GRID2: variants seen among roughly 807,000 people sequenced by gnomAD.
GRID2 encodes glutamate ionotropic receptor delta type subunit 2.
Under a neutral mutation model 114.8 loss-of-function variants are expected in GRID2, and 33 were observed. The observed-to-expected ratio is 0.29, with a 90% CI of 0.22 to 0.38. The LOEUF (loss-of-function observed/expected upper bound fraction) is 0.38, where lower values mean the gene tolerates loss of function less well. Ranked by LOEUF, GRID2 falls within the 10% of genes least tolerant of loss-of-function variation. The pLI, the probability that GRID2 is intolerant of heterozygous loss-of-function variation, is 1.00. For missense variants in GRID2, 1,184 were observed against 1,257.7 expected (o/e 0.94, Z 0.89); for synonymous variants, 505 against 449.9 (o/e 1.12, Z -1.55).
At chr4:93,734,521 C>T (rs1246176746) in intron 14 of GRID2, among the ~76,000 whole-genome samples, 1 of 151,856 alleles carries the variant, frequency 6.6e-6, no homozygotes, top group Admixed American at 6.6e-5. Context: ...CCATCTTTCC[C>T]AACATAAAAT....
intron 8 of GRID2, among the ~76,000 whole-genome samples, chr4:93,323,294 T>C (rs985919809): frequency 1.3e-5 from 2 of 152,236 alleles, no homozygotes; most frequent in African/African-American, 4.8e-5. Context: ...CACCATTTAT[T>C]AAATAGGGAA....
intron 14 of GRID2, among the ~76,000 whole-genome samples, chr4:93,700,324 A>C (rs1444699535): frequency 6.6e-6 from 1 of 152,118 alleles, no homozygotes; most frequent in Non-Finnish European, 1.5e-5. Context: ...ACCCTGTATG[A>C]ATTTTTAAAT....
At chr4:93,584,084 A>G (rs1737282378) in intron 13 of GRID2, among the ~76,000 whole-genome samples, 1 of 152,186 alleles carries the variant, frequency 6.6e-6, no homozygotes, top group Non-Finnish European at 1.5e-5. Flanking sequence ...TGAAATAAAA[A>G]CAGTTTCATA....
intron 8 of GRID2, among the ~76,000 whole-genome samples, chr4:93,380,151 ATC>A (rs1480295089): frequency 1.3e-5 from 2 of 152,110 alleles, no homozygotes; most frequent in Non-Finnish European, 2.9e-5. Flanking sequence ...GTTATGGAAT[ATC>A]TGAGTGGGCT....
At chr4:92,710,531 C>G (rs1397510523) in intron 2 of GRID2, among the ~76,000 whole-genome samples, 1 of 152,210 alleles carries the variant, frequency 6.6e-6, no homozygotes, top group East Asian at 1.9e-4. Context: ...GCCAGGCCCT[C>G]TCTTAGCTTT....
intron 13 of GRID2, among the ~76,000 whole-genome samples, chr4:93,550,783 A>C (rs956384434): frequency 5.9e-5 from 9 of 152,366 alleles, no homozygotes; most frequent in African/African-American, 1.9e-4. Context: ...CAGAATAGTA[A>C]TAATGCTAAT....
At chr4:92,722,883 A>G (rs1229357541) in intron 2 of GRID2, among the ~76,000 whole-genome samples, 1 of 51,036 alleles carries the variant, frequency 2.0e-5, no homozygotes, top group Non-Finnish European at 3.5e-5. Context: ...GAACATTTAT[A>G]ATAATAATAG....
At chr4:92,934,879 A>AAATT (rs1469463110) in intron 2 of GRID2, among the ~76,000 whole-genome samples, 1 of 147,058 alleles carries the variant, frequency 6.8e-6, no homozygotes, top group African/African-American at 2.4e-5. Flanking sequence ...CCTTATACCA[A>AAATT]AATTAATTCA....
At chr4:93,237,400 A>T (rs1163481812) in intron 7 of GRID2, among the ~76,000 whole-genome samples, 1 of 151,940 alleles carries the variant, frequency 6.6e-6, no homozygotes, top group Admixed American at 6.6e-5. Context: ...AAGTAGAAGG[A>T]AAAGCAAATA....
At chr4:92,323,919 AATTAT>A (rs1726457826) in intron 1 of GRID2, among the ~76,000 whole-genome samples, 1 of 152,018 alleles carries the variant, frequency 6.6e-6, no homozygotes, top group South Asian at 2.1e-4. Flanking sequence ...TAAAAATAGG[AATTAT>A]ATTCATATCA....
chr4:93,012,722 A>G (rs937040063), intron 2 of GRID2, among the ~76,000 whole-genome samples: 2 of 152,136 alleles, frequency 1.3e-5, no homozygotes, highest in African/African-American at 2.4e-5. Flanking sequence ...ATGCAAAAAC[A>G]TAAGAACTGA....
At chr4:92,636,092 A>T (rs1731050114) in intron 2 of GRID2, among the ~76,000 whole-genome samples, 1 of 152,090 alleles carries the variant, frequency 6.6e-6, no homozygotes, top group Admixed American at 6.6e-5. Flanking sequence ...GGATGACTGC[A>T]TATTTTAAGG....
chr4:92,610,944 C>T (rs904116724), intron 2 of GRID2, among the ~76,000 whole-genome samples: 6 of 151,306 alleles, frequency 4.0e-5, no homozygotes, highest in South Asian at 2.1e-4. Flanking sequence ...TTTGTTTTTC[C>T]AGTCAATAAT....
At chr4:93,562,344 T>C (rs79782082) in intron 13 of GRID2, among the ~76,000 whole-genome samples, 1,614 of 152,154 alleles carry the variant, frequency 0.011, 37 homozygotes, top group African/African-American at 0.036. Context: ...ATATCTTTTT[T>C]GGTGAGGTAT....
At chr4:92,605,137 C>T (rs985089158) in intron 2 of GRID2, among the ~76,000 whole-genome samples, 2 of 152,062 alleles carry the variant, frequency 1.3e-5, no homozygotes, top group African/African-American at 4.8e-5. Context: ...TCTATTAAAT[C>T]TCTTTCCTTT....
At chr4:93,501,031 T>G (rs1728044677) in intron 12 of GRID2, among the ~76,000 whole-genome samples, 1 of 152,014 alleles carries the variant, frequency 6.6e-6, no homozygotes, top group African/African-American at 2.4e-5. Flanking sequence ...TTATCATCTT[T>G]GTACCAGTTC....
At chr4:93,743,213 GAGAAAAGAGGAAGCTGCAGA>G (rs1731564257) in intron 14 of GRID2, among the ~76,000 whole-genome samples, 1 of 152,222 alleles carries the variant, frequency 6.6e-6, no homozygotes, top group Admixed American at 6.5e-5. Context: ...TGGAGGCTGA[GAGAAAAGAGGAAGCTGCAGA>G]AGAAAAGTGG....
intron 1 of GRID2, among the ~76,000 whole-genome samples, chr4:92,504,573 T>C (rs1382391737): frequency 6.6e-6 from 1 of 152,052 alleles, no homozygotes; most frequent in African/African-American, 2.4e-5. Context: ...TCTTTTTCTT[T>C]CATATGTTTT....
rs1734880627 is a variant in GRID2, at chr4:93,132,341, T to A, written c.735+21388T>A. 5.9e-5 allele frequency among the ~76,000 whole-genome samples: 9 copies of A among 152,330 alleles called. No individual in the cohort carries two copies. In the South Asian group the frequency reaches 1.9e-3, roughly 32 times the overall value. On this transcript the variant is annotated intron_variant, in intron 4 of 15. Coordinates refer to ENST00000282020, the MANE Select transcript of GRID2 (RefSeq NM_001510.4). ...GCCTTATGTAGCATGAAACACTTTC[T>A]TTTTATGGGTGAGATCATGCCCATT...
Sources: allele counts gnomAD v4.1 joint callset (sites outside exome capture counted in the v4.1 genomes callset), GRCh38; gene constraint gnomAD v4.1.1; transcripts MANE v1.5; gene names NCBI Gene and HGNC (gene_info 2026-07-23, HGNC 2026-07-21).